The following KCNT2 variants were observed in gnomAD, a reference collection of about 807,000 sequenced individuals.
The protein encoded by KCNT2 is potassium sodium-activated channel subfamily T member 2.
In KCNT2, 67 loss-of-function variants were observed where a neutral mutation model predicts 153.8. That is an observed-to-expected ratio of 0.44 (90% CI 0.36 to 0.53). KCNT2 has a LOEUF of 0.53. Among genes scored for constraint, KCNT2 ranks in the 20% least tolerant of loss-of-function variants. KCNT2 has a pLI of 0.00. For missense variants in KCNT2, 975 were observed against 1,354.8 expected (o/e 0.72, Z 4.40); for synonymous variants, 500 against 458.8 (o/e 1.09, Z -1.15).
At chr1:196,328,843 A>G (rs1250815568) in intron 18 of KCNT2, among the ~76,000 whole-genome samples, 2 of 152,096 alleles carry the variant, frequency 1.3e-5, no homozygotes, top group African/African-American at 2.4e-5. Flanking sequence ...GAAAGAATAG[A>G]GAACAAAGGA....
At chr1:196,391,645 G>T (rs1009136041) in intron 13 of KCNT2, among the ~76,000 whole-genome samples, 4 of 151,192 alleles carry the variant, frequency 2.6e-5, no homozygotes, top group African/African-American at 9.7e-5. Context: ...AAATGTCAAG[G>T]AAAATAAACA....
intron 1 of KCNT2, among the ~76,000 whole-genome samples, chr1:196,515,084 AC>A (rs1681940500): frequency 1.3e-5 from 2 of 152,204 alleles, no homozygotes; most frequent in South Asian, 2.1e-4. Context: ...TATCTGGGAA[AC>A]TTTTAGGTCC....
rs566404543 is a variant in KCNT2 at position 196,596,194 on chromosome 1, G to T, written c.95+12021C>A. ...GTAATGCTGCTATAAATATGCATGT[G>T]CATGTGTCATTTTCACACACATAGT... is the stretch of plus-strand genomic sequence containing the variant. On this transcript the variant is annotated intron_variant, in intron 1 of 27. Transcript: ENST00000294725. Among the ~76,000 whole-genome samples, 18 of 151,702 alleles carry T rather than the reference G, an allele frequency of 1.2e-4. 2 individuals are homozygous for T. Among genetic ancestry groups the T allele is most frequent in the African/African-American group, 4.4e-4 (18 of 41,112 alleles).
At chr1:196,290,721 TTC>T (rs1660114131) in intron 22 of KCNT2, among the ~76,000 whole-genome samples, 1 of 152,014 alleles carries the variant, frequency 6.6e-6, no homozygotes, top group South Asian at 2.1e-4. Context: ...TTTCCCAGAA[TTC>T]TCTCTTTGTT....
At chr1:196,571,017 C>T (rs1660718309) in intron 1 of KCNT2, among the ~76,000 whole-genome samples, 1 of 152,054 alleles carries the variant, frequency 6.6e-6, no homozygotes, top group South Asian at 2.1e-4. Context: ...GGCAGACTAC[C>T]TATATTAGTT....
intron 1 of KCNT2, among the ~76,000 whole-genome samples, chr1:196,560,692 TG>T (rs1659261088): frequency 9.0e-6 from 1 of 110,538 alleles, no homozygotes. Flanking sequence ...AATGATATGA[TG>T]TTTTTTCTTC....
chr1:196,338,484 A>G (rs1665252067), intron 16 of KCNT2, among the ~76,000 whole-genome samples: 1 of 152,138 alleles, frequency 6.6e-6, no homozygotes, highest in Non-Finnish European at 1.5e-5. Flanking sequence ...AAACTGAACA[A>G]TCCTAAGAAA....
intron 13 of KCNT2, among the ~76,000 whole-genome samples, chr1:196,381,847 A>G (rs1669520126): frequency 6.6e-6 from 1 of 152,110 alleles, no homozygotes; most frequent in Non-Finnish European, 1.5e-5. Context: ...TGCCTTTGAG[A>G]TCAGTTTCAT....
At chr1:196,291,964 A>G (rs1163541035) in intron 22 of KCNT2, among the ~76,000 whole-genome samples, 2 of 152,214 alleles carry the variant, frequency 1.3e-5, no homozygotes, top group East Asian at 3.8e-4. Context: ...TTGGGTGAAT[A>G]GTAATTATAT....
chr1:196,597,025 A>G (rs566296654), intron 1 of KCNT2, among the ~76,000 whole-genome samples: 143 of 152,252 alleles, frequency 9.4e-4, no homozygotes, highest in African/African-American at 3.3e-3. Context: ...AGAACATTAA[A>G]TTGTATATTT....
intron 12 of KCNT2, among the ~76,000 whole-genome samples, chr1:196,411,261 A>G (rs992725909): frequency 5.3e-5 from 8 of 150,994 alleles, no homozygotes; most frequent in African/African-American, 1.9e-4. Context: ...TAGGCTCTTT[A>G]TTAGTCTATA....
intron 3 of KCNT2, among the ~76,000 whole-genome samples, chr1:196,484,998 TTA>T (rs1185338699): frequency 6.6e-6 from 1 of 152,054 alleles, no homozygotes; most frequent in Admixed American, 6.6e-5. Flanking sequence ...ACAAGCACAC[TTA>T]TATTTATTGC....
intron 1 of KCNT2, among the ~76,000 whole-genome samples, chr1:196,505,057 T>C (rs1273485810): frequency 1.3e-5 from 2 of 149,368 alleles, no homozygotes; most frequent in Non-Finnish European, 2.9e-5. Flanking sequence ...TGATGGTAGT[T>C]TCTTTTGCTG....
At chr1:196,238,363 C>T (rs1241767888) in intron 26 of KCNT2, among the ~76,000 whole-genome samples, 1 of 151,814 alleles carries the variant, frequency 6.6e-6, no homozygotes, top group South Asian at 2.1e-4. Flanking sequence ...ATTTATCCTA[C>T]TGAAGATATT....
At chr1:196,528,307 A>C (rs1221230751) in intron 1 of KCNT2, among the ~76,000 whole-genome samples, 1 of 152,180 alleles carries the variant, frequency 6.6e-6, no homozygotes, top group Non-Finnish European at 1.5e-5. Flanking sequence ...AGCCCCAACT[A>C]TTTACACAGA....
chr1:196,248,813 C>T (rs1236641485), intron 26 of KCNT2, among the ~76,000 whole-genome samples: 1 of 152,120 alleles, frequency 6.6e-6, no homozygotes, highest in Non-Finnish European at 1.5e-5. Flanking sequence ...CCAGTATTAC[C>T]TTGATACAAA....
At chr1:196,390,227 A>G (rs965338128) in intron 13 of KCNT2, among the ~76,000 whole-genome samples, 4 of 151,500 alleles carry the variant, frequency 2.6e-5, no homozygotes, top group African/African-American at 9.7e-5. Flanking sequence ...TTTAAATCGT[A>G]TATTCTGTAT....
At position 196,401,012 on chromosome 1, in the gene KCNT2, G is replaced by A. The variant is rs74479908; in HGVS notation, c.1186-2341C>T. ...AAGCGAATGGAGCCTGGAACAACCA[G>A]AGCCACCAGACACAGGAAAAGGGAG... On this transcript the variant is annotated intron_variant, in intron 12 of 27. Coordinates refer to ENST00000294725, the MANE Select transcript of KCNT2 (RefSeq NM_198503.5). Among the ~76,000 whole-genome samples the A allele has an allele frequency of 6.5e-3, 989 of 151,850 alleles. 9 individuals carry two copies. Among genetic ancestry groups the A allele is most frequent in the African/African-American group, 0.023 (947 of 41,490 alleles).
At chr1:196,399,922 C>T (rs1671268113) in intron 12 of KCNT2, among the ~76,000 whole-genome samples, 1 of 151,810 alleles carries the variant, frequency 6.6e-6, no homozygotes. Context: ...AGTCAGCTGG[C>T]TCCTTGATTT....
Sources: gnomAD v4.1 joint callset for allele counts (sites outside exome capture counted in the v4.1 genomes callset) on GRCh38, gnomAD v4.1.1 for gene constraint, MANE v1.5 for transcripts, NCBI Gene and HGNC (gene_info 2026-07-23, HGNC 2026-07-21) for gene names.